Variants in NMI observed in about 807,000 individuals in gnomAD.
NMI encodes the protein N-myc and STAT interactor.
A neutral mutation model predicts 34.3 loss-of-function variants in NMI; 39 were observed. The ratio of observed to expected loss-of-function variants is 1.14; its 90% confidence interval spans 0.88 to 1.49. The LOEUF is 1.49. Ranked by LOEUF, NMI falls within the 40% of genes most tolerant of loss-of-function variation. The pLI, the probability that NMI is intolerant of heterozygous loss-of-function variation, is 0.00. For synonymous variants in NMI, 113 were observed against 120.3 expected, an observed-to-expected ratio of 0.94 and a Z score of 0.40; for missense variants, 339 against 358.1, an observed-to-expected ratio of 0.95 and a Z score of 0.43.
chr2:151,274,855 G>A (rs960204828), intron 6 of NMI, among the ~76,000 whole-genome samples: 3 of 151,704 alleles, frequency 2.0e-5, no homozygotes, highest in Admixed American at 2.0e-4. Context: ...ACTTTGTCAT[G>A]AAAAAATCTA....
At position 151,275,818 on chromosome 2, in the gene NMI, T is replaced by C; in HGVS notation, c.387A>G (p.Lys129=). 6.2e-7 allele frequency: 1 copy of C among 1,613,066 alleles called. No individual in the cohort carries two copies. The highest frequency in any genetic ancestry group is 8.5e-7 in the Non-Finnish European group (1 of 1,179,310). The stretch of plus-strand genomic sequence containing the variant: ...TGGCCGTAACCTCCAGATTTACATC[T>C]TTTATCTGTACATGATGTTTACTCA... ...VSMSKHHVQI[K]DVNLEVTAKP... Residue 129 remains lysine (K), a synonymous_variant, in exon 5 of 8, where the codon AAA becomes AAG. Coordinates refer to ENST00000243346, the MANE Select transcript of NMI (RefSeq NM_004688.3).
chr2:151,288,834 A>C (rs1159172963), intron 1 of NMI: 2 of 152,236 alleles, frequency 1.3e-5, no homozygotes, highest in Non-Finnish European at 2.9e-5. Flanking sequence ...TGTCTCCTTC[A>C]AGAAAAACCT....
At chr2:151,284,948 G>T (rs1039958986) in intron 1 of NMI, among the ~76,000 whole-genome samples, 1 of 152,164 alleles carries the variant, frequency 6.6e-6, no homozygotes, top group Non-Finnish European at 1.5e-5. Context: ...GAGGAGAGTC[G>T]CATAACACCC....
intron 4 of NMI, 26 bp from the exon 5 acceptor site, chr2:151,275,890 A>G (rs746953772): frequency 3.0e-6 from 4 of 1,330,054 alleles, no homozygotes; most frequent in Non-Finnish European, 1.1e-6. Context: ...GGAAGGAAGT[A>G]TTAATTTCCA....
intron 4 of NMI, chr2:151,277,891 G>C (rs289832): frequency 0.6 from 90,574 of 151,984 alleles, 27,263 homozygotes; most frequent in Admixed American, 0.66. Context: ...GCCTGGGCTG[G>C]TGGCCTACCG....
intron 1 of NMI, among the ~76,000 whole-genome samples, chr2:151,285,439 T>C (rs1041069039): frequency 3.3e-5 from 5 of 151,984 alleles, no homozygotes; most frequent in African/African-American, 1.2e-4. Context: ...CTATGTGTGA[T>C]TACCCAGGCA....
chr2:151,276,228 A>G (rs289833), intron 4 of NMI, among the ~76,000 whole-genome samples: 90,517 of 151,808 alleles, frequency 0.6, 27,251 homozygotes, highest in Admixed American at 0.66. Context: ...AATTTTTTTA[A>G]CTTTTTGTAG....
intron 4 of NMI, 38 bp from the exon 5 acceptor site, chr2:151,275,902 T>C (rs1401587504): frequency 1.6e-6 from 2 of 1,274,962 alleles, no homozygotes; most frequent in Non-Finnish European, 2.2e-6. Context: ...TAATTTCCAA[T>C]ATTTTAAGAA....
In NMI at chr2:151,282,099, C is replaced by T. The variant is rs147920341; in HGVS notation, c.82-56G>A. Reference sequence around the variant, plus strand: ...TAAATAGCCCCTGAACTCATTTTTCCGAATGAACTAAAGACTATAAATTTC... The same window carrying T: ...TAAATAGCCCCTGAACTCATTTTTCTGAATGAACTAAAGACTATAAATTTC... On this transcript the variant is annotated intron_variant, in intron 2 of 7. Transcript: ENST00000243346. 845 of 765,960 alleles carry T rather than the reference C, an allele frequency of 1.1e-3. 5 individuals carry two copies. The African/African-American group carries it at 0.014, about 12-fold the overall frequency. The allele number at this position is 765,960 out of a possible 1,614,324, so 47.4% of individuals were successfully genotyped here.
At chr2:151,274,503 TCTCA>T (rs1406656284) in intron 6 of NMI, among the ~76,000 whole-genome samples, 3 of 141,690 alleles carry the variant, frequency 2.1e-5, no homozygotes, top group Non-Finnish European at 3.0e-5. Context: ...TGAGACGGAG[TCTCA>T]CTCTGTCGCC....
At chr2:151,272,839 G>A (rs1304435753) in intron 6 of NMI, among the ~76,000 whole-genome samples, 1 of 152,120 alleles carries the variant, frequency 6.6e-6, no homozygotes, top group African/African-American at 2.4e-5. Flanking sequence ...ACAGGAAAAG[G>A]ACAAATATTG....
chr2:151,288,298 T>C (rs1683544707), intron 1 of NMI, among the ~76,000 whole-genome samples: 1 of 152,250 alleles, frequency 6.6e-6, no homozygotes, highest in Admixed American at 6.5e-5. Context: ...ATCATGAGGC[T>C]ACTTAAAAGT....
At chr2:151,280,372 T>C (rs930909266) in intron 3 of NMI, among the ~76,000 whole-genome samples, 10 of 152,208 alleles carry the variant, frequency 6.6e-5, no homozygotes, top group African/African-American at 2.4e-4. Context: ...ATTAGAAATA[T>C]TCAGTGAGTC....
chr2:151,288,002 T>C (rs1683534365), intron 1 of NMI, among the ~76,000 whole-genome samples: 1 of 152,224 alleles, frequency 6.6e-6, no homozygotes. Flanking sequence ...GCTCTCAGCA[T>C]AAATGGTCTA....
chr2:151,271,674 A>AT lies in NMI; in HGVS notation c.692dup (p.His231GlnfsTer2), dbSNP rs753448519. 3 of 1,589,748 alleles carry AT rather than the reference A, an allele frequency of 1.9e-6. No individual in the cohort carries two copies. The African/African-American group carries it at 4.0e-5, about 21-fold the overall frequency. ...CTGTGTATGGAGAAACAGTAACTCT[A>AT]TGGCAGGTTTGATTTATATAAAGAG... On this transcript the variant is annotated frameshift_variant, in exon 7 of 8. Transcript: ENST00000243346. LOFTEE classifies it low-confidence loss of function (END_TRUNC).
intron 1 of NMI, among the ~76,000 whole-genome samples, chr2:151,286,045 G>A (rs1444878756): frequency 1.3e-5 from 2 of 152,130 alleles, no homozygotes; most frequent in Non-Finnish European, 2.9e-5. Context: ...GGAATTTTTA[G>A]TTAGCTTCAA....
chr2:151,275,619 T>G lies in NMI; in HGVS notation c.499A>C (p.Thr167Pro), dbSNP rs1683279614. Reference protein sequence around the residue: ...MKINVTEIPDTLREDQMRDKL... With the variant: ...MKINVTEIPDPLREDQMRDKL... ...TCTCTCATTTGATCTTCACGCAATGTGTCAGGAATTTCAGTAACATTGATT... is the reference window on the plus strand; with the variant it reads ...TCTCTCATTTGATCTTCACGCAATGGGTCAGGAATTTCAGTAACATTGATT... Residue 167 changes from threonine (T) to proline (P), a missense_variant, in exon 6 of 8, where the codon ACA becomes CCA. Transcript: ENST00000243346. 6.2e-7 allele frequency: 1 copy of G among 1,614,092 alleles called. No individual in the cohort carries two copies. The highest frequency in any genetic ancestry group is 1.7e-5 in the Admixed American group (1 of 60,004).
intron 6 of NMI, among the ~76,000 whole-genome samples, chr2:151,271,951 G>C (rs2105201054): frequency 6.6e-6 from 1 of 152,270 alleles, no homozygotes; most frequent in South Asian, 2.1e-4. Flanking sequence ...ATTCCATCTT[G>C]AATTATTCAC....
chr2:151,279,174 T>G (rs1391636950), intron 3 of NMI, among the ~76,000 whole-genome samples, 184 bp from the exon 4 acceptor site: 2 of 152,208 alleles, frequency 1.3e-5, no homozygotes, highest in African/African-American at 4.8e-5. Context: ...TACTCAGTAA[T>G]CAAATGCTGA....
Sources: gnomAD v4.1 joint callset for allele counts (sites outside exome capture counted in the v4.1 genomes callset) on GRCh38, gnomAD v4.1.1 for gene constraint, MANE v1.5 for transcripts, NCBI Gene and HGNC (gene_info 2026-07-23, HGNC 2026-07-21) for gene names.